MEGF6: variants seen among roughly 807,000 people sequenced by gnomAD.
The protein encoded by MEGF6 is multiple epidermal growth factor-like domains protein 6.
Under a neutral mutation model 207.1 loss-of-function variants are expected in MEGF6, and 184 were observed. The ratio of observed to expected loss-of-function variants is 0.89; its 90% CI spans 0.79 to 1.00. The LOEUF (loss-of-function observed/expected upper bound fraction) is 1.00, where lower values mean the gene tolerates loss of function less well. MEGF6 is among the 50% of genes least tolerant of loss of function. The probability of loss-of-function intolerance (pLI) is 0.00; values close to 1 mark genes in which losing one functional copy is unlikely to be tolerated. For synonymous variants in MEGF6, 1,038 were observed against 910.0 expected (o/e 1.14, Z -2.53); for missense variants, 2,282 against 2,202.9 (o/e 1.04, Z -0.72).
chr1:3,586,839 C>T (rs1643900556), intron 3 of MEGF6, among the ~76,000 whole-genome samples: 1 of 152,204 alleles, frequency 6.6e-6, no homozygotes, highest in South Asian at 2.1e-4. Context: ...GGCCCGCCGG[C>T]CTGATGGTCC....
chr1:3,537,743 T>G (rs1642378934), intron 4 of MEGF6, among the ~76,000 whole-genome samples: 1 of 152,136 alleles, frequency 6.6e-6, no homozygotes, highest in African/African-American at 2.4e-5. Context: ...GCACACGCAT[T>G]GGTAAGGGGA....
chr1:3,604,098 C>A (rs1261157698), intron 1 of MEGF6, among the ~76,000 whole-genome samples: 1 of 152,212 alleles, frequency 6.6e-6, no homozygotes, highest in Non-Finnish European at 1.5e-5. Context: ...CTCCAGCTGC[C>A]CACCCACGAA....
intron 4 of MEGF6, among the ~76,000 whole-genome samples, chr1:3,579,000 G>A (rs557610904): frequency 2.5e-4 from 38 of 152,266 alleles, no homozygotes; most frequent in South Asian, 8.3e-4. Context: ...CCTGGGCACC[G>A]GAGTGCATCT....
At chr1:3,607,309 A>G (rs1044552047) in intron 1 of MEGF6, among the ~76,000 whole-genome samples, 1 of 151,278 alleles carries the variant, frequency 6.6e-6, no homozygotes, top group Non-Finnish European at 1.5e-5. Flanking sequence ...GGTGCGCCCT[A>G]TGTCTCCCCA....
In MEGF6 at chr1:3,501,692, C is replaced by T. The variant is rs560240819; in HGVS notation, c.2314+104G>A. On this transcript the variant is annotated intron_variant, in intron 18 of 36. Coordinates refer to ENST00000356575, the MANE Select transcript of MEGF6 (RefSeq NM_001409.4). ...TGTGAGCTCTCACACCTGCTATAGA[C>T]GGGCCTGGGATCCGCAGGGCTGGGG... The T allele has an allele frequency of 2.6e-4, 367 of 1,437,094 alleles. 1 individual carries two copies. The highest frequency in any genetic ancestry group is 3.9e-4 in the East Asian group (16 of 40,778). The allele number at this position is 1,437,094 out of a possible 1,614,324, so 89.0% of individuals were successfully genotyped here. A position where few individuals can be genotyped will look rare whatever the true frequency, so the allele number is the denominator to read the frequency against.
chr1:3,513,852 A>G (rs949911775), intron 7 of MEGF6, among the ~76,000 whole-genome samples: 1 of 151,866 alleles, frequency 6.6e-6, no homozygotes, highest in African/African-American at 2.4e-5. Context: ...TTGGCCTACC[A>G]AAGTGCTGGG....
chr1:3,610,511 A>AT (rs542251645), intron 1 of MEGF6, among the ~76,000 whole-genome samples: 1 of 18,478 alleles, frequency 5.4e-5, no homozygotes, highest in Non-Finnish European at 1.8e-4. Flanking sequence ...CCACTGCCGC[A>AT]CGTTTTCCTT....
intron 13 of MEGF6, among the ~76,000 whole-genome samples, 188 bp downstream of exon 13, chr1:3,508,370 C>T (rs1378548815): frequency 6.6e-6 from 1 of 152,208 alleles, no homozygotes; most frequent in Non-Finnish European, 1.5e-5. Context: ...CAGTGCGTGG[C>T]ATAGAGTGGA....
chr1:3,509,667 C>T (rs1332179066), intron 11 of MEGF6, among the ~76,000 whole-genome samples: 1 of 152,234 alleles, frequency 6.6e-6, no homozygotes, highest in African/African-American at 2.4e-5. Flanking sequence ...TCCCCAACCC[C>T]CACACGGCCC....
chr1:3,540,975 C>T (rs1163772227), intron 4 of MEGF6, among the ~76,000 whole-genome samples: 1 of 152,192 alleles, frequency 6.6e-6, no homozygotes, highest in Non-Finnish European at 1.5e-5. Flanking sequence ...AAGCCTCTTC[C>T]ACATCCAGAG....
At chr1:3,490,794 C>G in intron 36 of MEGF6, 118 bp downstream of exon 36, 1 of 1,357,638 alleles carries the variant, frequency 7.4e-7, no homozygotes. Context: ...TCCTGGGGCC[C>G]AAGGCCCCGG....
At chr1:3,570,251 A>G (rs966819259) in intron 4 of MEGF6, among the ~76,000 whole-genome samples, 9 of 152,190 alleles carry the variant, frequency 5.9e-5, no homozygotes, top group Non-Finnish European at 1.3e-4. Flanking sequence ...CACTTCAGGC[A>G]GAAGGGGCCG....
At chr1:3,591,780 T>G (rs1382669545) in intron 3 of MEGF6, among the ~76,000 whole-genome samples, 1 of 103,598 alleles carries the variant, frequency 9.7e-6, no homozygotes, top group Admixed American at 9.8e-5. Flanking sequence ...CAAGGTCTCG[T>G]AGCTCACAAG....
intron 4 of MEGF6, among the ~76,000 whole-genome samples, chr1:3,546,145 G>A (rs1642696470): frequency 6.6e-6 from 1 of 152,228 alleles, no homozygotes; most frequent in African/African-American, 2.4e-5. Flanking sequence ...AGGAGTGTGA[G>A]TGGGAGATGG....
At chr1:3,616,423 C>T (rs1216918910), upstream of MEGF6, among the ~76,000 whole-genome samples, 1 of 152,276 alleles carries the variant, frequency 6.6e-6, no homozygotes, top group East Asian at 1.9e-4. Flanking sequence ...CTGCCCCGTA[C>T]CGCCCCGGTC....
chr1:3,538,004 A>G (rs1642385971), intron 4 of MEGF6, among the ~76,000 whole-genome samples: 2 of 152,228 alleles, frequency 1.3e-5, no homozygotes, highest in African/African-American at 4.8e-5. Flanking sequence ...GCTGGCCCCC[A>G]CTGCAGACAG....
At chr1:3,549,470 T>C (rs1433637629) in intron 4 of MEGF6, among the ~76,000 whole-genome samples, 16 of 151,776 alleles carry the variant, frequency 1.1e-4, no homozygotes, top group Admixed American at 9.8e-4. Flanking sequence ...AGGACCGGGG[T>C]GTTCAGGGCT....
chr1:3,495,763 G>A, intron 30 of MEGF6, 127 bp downstream of exon 30: 2 of 1,206,224 alleles, frequency 1.7e-6, no homozygotes, highest in Non-Finnish European at 2.3e-6. Context: ...AGGGTCAAGT[G>A]GGGAGCTGGT....
Position 3,499,601 on chromosome 1 carries a change from G to A in MEGF6, c.2952C>T (p.Pro984=). ...GACCTCACGCACTCTCGGCACAGCG[G>A]GGGCCCCGGCGGCCAGCGGGGCAGA... ...SCLCPAGRRG[P]RCAETCPAHT... The change falls in exon 23 of 37, where the codon CCC becomes CCT. Residue 984 remains proline, a synonymous_variant. Transcript: ENST00000356575. 2 of 1,581,988 alleles carry A rather than the reference G, an allele frequency of 1.3e-6. No individual in the cohort carries two copies. Among genetic ancestry groups the A allele is most frequent in the Non-Finnish European group, 1.7e-6 (2 of 1,165,422 alleles).
Sources: gnomAD v4.1 joint callset for allele counts (sites outside exome capture counted in the v4.1 genomes callset) on GRCh38, gnomAD v4.1.1 for gene constraint, MANE v1.5 for transcripts, NCBI Gene and HGNC (gene_info 2026-07-23, HGNC 2026-07-21) for gene names.